The following ASIC2 variants were observed in gnomAD, a reference collection of about 807,000 sequenced individuals.
ASIC2 encodes acid sensing ion channel subunit 2, also known as acid-sensing ion channel 2.
ASIC2 carries 25 observed loss-of-function variants against 57.3 expected under a neutral mutation model. The observed-to-expected ratio is 0.44, with a 90% CI of 0.32 to 0.61. The LOEUF is 0.61. Ranked by LOEUF, ASIC2 falls within the 20% of genes least tolerant of loss-of-function variation. The pLI is 0.06. For missense variants in ASIC2, 641 were observed against 738.1 expected (o/e 0.87, Z 1.52); for synonymous variants, 319 against 307.5 (o/e 1.04, Z -0.39).
rs1157242666 is a variant in ASIC2 at position 33,715,889 on chromosome 17, G to A, written c.555+440089C>T. Reference sequence around the variant, plus strand: ...GTCATGTAGATACAGAGAGAAAGTGGCGTGGAGGGCCTAGAATTCAACATG... The same window carrying A: ...GTCATGTAGATACAGAGAGAAAGTGACGTGGAGGGCCTAGAATTCAACATG... On this transcript the variant is annotated intron_variant, in intron 1 of 9. Coordinates refer to the ASIC2 transcript ENST00000359872. Among the ~76,000 whole-genome samples, 5 of 152,114 alleles carry A rather than the reference G, an allele frequency of 3.3e-5. No individual in the cohort carries two copies. In the South Asian group the frequency reaches 8.3e-4, roughly 25 times the overall value.
intron 1 of ASIC2, among the ~76,000 whole-genome samples, chr17:33,443,627 G>A (rs1467391570): frequency 2.7e-5 from 4 of 150,550 alleles, no homozygotes; most frequent in South Asian, 2.1e-4. Flanking sequence ...CGTTTTAGCC[G>A]GGATGGTCTC....
Position 33,111,970 on chromosome 17 carries a change from T to A in ASIC2, c.806A>T (p.Glu269Val). Residue 269 changes from glutamate to valine, a missense_variant, in exon 2 of 10, where the codon GAG (glutamate) becomes GTG (valine). By Grantham distance (121) the Glu-to-Val change is moderately radical. Transcript: ENST00000225823. ...TVKGGTGNGL[E>V]IMLDIQQDEY... ...ATCCTGCTGAATGTCCAGCATGATC[T>A]CCAGCCCGTTGCCTGTCCCCCCCTT... 1.2e-6 allele frequency: 2 copies of A among 1,614,110 alleles called. No homozygotes were observed. The highest frequency in any genetic ancestry group is 1.7e-6 in the Non-Finnish European group (2 of 1,180,010).
At chr17:33,863,386 C>T (rs1329525854) in intron 1 of ASIC2, among the ~76,000 whole-genome samples, 1 of 152,224 alleles carries the variant, frequency 6.6e-6, no homozygotes, top group Non-Finnish European at 1.5e-5. Flanking sequence ...GGGTGTCTTA[C>T]TAGGTTTATG....
intron 1 of ASIC2, among the ~76,000 whole-genome samples, chr17:34,150,976 G>A (rs916526542): frequency 9.9e-5 from 15 of 151,930 alleles, no homozygotes; most frequent in African/African-American, 2.7e-4. Context: ...GGTGGCAGGC[G>A]CCTGTAGTCC....
Position 34,148,239 on chromosome 17 carries a change from G to GT in ASIC2, c.555+7738dup, listed in dbSNP as rs372355492. On this transcript the variant is annotated intron_variant, in intron 1 of 9. Transcript: ENST00000359872. ...TTTAGGAACTTGTGCAGTAGCTTCAGTTTTTTCTTTGCAAGTAGACATTGT... is the reference window on the plus strand; with the variant it reads ...TTTAGGAACTTGTGCAGTAGCTTCAGTTTTTTTCTTTGCAAGTAGACATTGT... Among the ~76,000 whole-genome samples the GT allele has an allele frequency of 1.4e-4, 21 of 152,296 alleles. 1 individual carries two copies. The highest frequency in any genetic ancestry group is 5.1e-4 in the African/African-American group (21 of 41,570).
chr17:33,652,172 C>T (rs1489893578), intron 1 of ASIC2, among the ~76,000 whole-genome samples: 1 of 152,138 alleles, frequency 6.6e-6, no homozygotes, highest in Non-Finnish European at 1.5e-5. Context: ...AGGATCAGGA[C>T]CTAGGGATGT....
intron 1 of ASIC2, among the ~76,000 whole-genome samples, chr17:34,083,292 G>A (rs879800346): frequency 2.0e-5 from 3 of 151,340 alleles, no homozygotes; most frequent in East Asian, 1.9e-4. Context: ...TTGTTCTTGC[G>A]ATAGTTTACT....
At chr17:33,865,117 G>C (rs1914196666) in intron 1 of ASIC2, among the ~76,000 whole-genome samples, 2 of 152,184 alleles carry the variant, frequency 1.3e-5, no homozygotes, top group East Asian at 1.9e-4. Flanking sequence ...CAACTGAAGA[G>C]ATGAACAGGA....
At chr17:33,811,362 G>A (rs948188850) in intron 1 of ASIC2, among the ~76,000 whole-genome samples, 16 of 152,156 alleles carry the variant, frequency 1.1e-4, no homozygotes, top group African/African-American at 2.9e-4. Context: ...CTCAGTGATC[G>A]TTTGAACAAA....
At chr17:34,095,014 C>A (rs1302891148) in intron 1 of ASIC2, among the ~76,000 whole-genome samples, 1 of 152,212 alleles carries the variant, frequency 6.6e-6, no homozygotes, top group Non-Finnish European at 1.5e-5. Flanking sequence ...CTAGGTGCAG[C>A]CCATGGGATA....
intron 3 of ASIC2, among the ~76,000 whole-genome samples, chr17:33,072,786 C>T (rs1488870284): frequency 1.3e-5 from 2 of 152,210 alleles, no homozygotes; most frequent in African/African-American, 4.8e-5. Context: ...TTCCTCTCTC[C>T]TGCACATCAA....
chr17:33,737,412 C>T (rs1418086772), intron 1 of ASIC2, among the ~76,000 whole-genome samples: 1 of 152,232 alleles, frequency 6.6e-6, no homozygotes, highest in African/African-American at 2.4e-5. Context: ...TTTGTAGGAC[C>T]TCCTGTCTCT....
chr17:33,080,896 A>G (rs1230579066), intron 3 of ASIC2, among the ~76,000 whole-genome samples: 1 of 152,188 alleles, frequency 6.6e-6, no homozygotes. Context: ...ATGGTGCACA[A>G]CTGAAAACTG....
rs116786531 is a variant in ASIC2, at chr17:33,157,492, C to T, written c.709-45425G>A. The stretch of plus-strand genomic sequence containing the variant: ...ATCTGCCTCCTGTACATGTGGCCTT[C>T]CTTACATCAGTAAATAGCTTATTAT... On this transcript the variant is annotated intron_variant, in intron 1 of 9. Coordinates refer to ENST00000225823, the MANE Select transcript of ASIC2 (RefSeq NM_183377.2). Among the ~76,000 whole-genome samples, 1,404 of 152,286 alleles carry T rather than the reference C, an allele frequency of 9.2e-3. 17 individuals are homozygous for T. The highest frequency in any genetic ancestry group is 0.032 in the African/African-American group (1,319 of 41,538).
intron 1 of ASIC2, among the ~76,000 whole-genome samples, chr17:33,906,798 A>C (rs759039904): frequency 3.3e-5 from 5 of 152,210 alleles, no homozygotes; most frequent in Non-Finnish European, 7.3e-5. Flanking sequence ...ATCAAGACCT[A>C]CTGGGATCTT....
At chr17:33,061,818 A>C (rs2092021988) in intron 3 of ASIC2, among the ~76,000 whole-genome samples, 3 of 152,042 alleles carry the variant, frequency 2.0e-5, no homozygotes, top group Admixed American at 6.6e-5. Flanking sequence ...GTAAGCTATT[A>C]ATTATTGCCT....
rs531265054 is a variant in ASIC2, at chr17:33,735,986, A to C, written c.555+419992T>G. Among the ~76,000 whole-genome samples the C allele has an allele frequency of 1.1e-4, 17 of 152,264 alleles. No individual in the cohort carries two copies. The South Asian group carries it at 3.5e-3, about 32-fold the overall frequency. The stretch of plus-strand genomic sequence containing the variant: ...ACGGCTTCAAGATCCTCACAGTCCC[A>C]GTCACCCTCCTGGTCTCTGCTTGTT... On this transcript the variant is annotated intron_variant, in intron 1 of 9. Coordinates refer to the ASIC2 transcript ENST00000359872.
At chr17:33,437,117 G>A (rs1239938989) in intron 1 of ASIC2, among the ~76,000 whole-genome samples, 19 of 151,528 alleles carry the variant, frequency 1.3e-4, no homozygotes, top group Admixed American at 1.1e-3. Flanking sequence ...TGCCCGCCTC[G>A]GCCTCCCAAA....
chr17:33,692,341 A>G (rs1908398422), intron 1 of ASIC2: 1 of 152,118 alleles, frequency 6.6e-6, no homozygotes, highest in Admixed American at 6.5e-5. Flanking sequence ...AATATACTAT[A>G]CATTATTCCT....
Sources: gnomAD v4.1 joint callset for allele counts (sites outside exome capture counted in the v4.1 genomes callset) on GRCh38, gnomAD v4.1.1 for gene constraint, MANE v1.5 for transcripts, NCBI Gene and HGNC (gene_info 2026-07-23, HGNC 2026-07-21) for gene names.